Variants in FSIP2 observed in about 807,000 individuals in gnomAD.
FSIP2 encodes fibrous sheath interacting protein 2, also known as fibrous sheath-interacting protein 2.
Under a neutral mutation model 510.5 loss-of-function variants are expected in FSIP2, and 367 were observed. The ratio of observed to expected loss-of-function variants is 0.72; its 90% CI spans 0.66 to 0.78. FSIP2 has a LOEUF of 0.78. Ranked by LOEUF, FSIP2 falls within the 30% of genes least tolerant of loss-of-function variation. The pLI is 0.00. For synonymous variants in FSIP2, 2,601 were observed against 2,732.2 expected, an observed-to-expected ratio of 0.95 and a Z score of 1.50; for missense variants, 7,594 against 7,901.7, an observed-to-expected ratio of 0.96 and a Z score of 1.48.
At position 185,806,976 on chromosome 2, in the gene FSIP2, G is replaced by A; in HGVS notation, c.17670G>A (p.Met5890Ile). ...SSIKIKSADK[M>I]PPMHKMMRKP... ...TTAAGATAAAATCTGCAGATAAAAT[G>A]CCACCTATGCATAAAATGATGAGAA... The change falls in exon 17 of 23, where the codon ATG becomes ATA. Residue 5890 changes from methionine (M) to isoleucine (I), a missense_variant. Met to Ile is a conservative substitution (Grantham distance 10). Transcript: ENST00000424728. 1 of 1,610,466 alleles carries A rather than the reference G, an allele frequency of 6.2e-7. No individual in the cohort carries two copies. The highest frequency in any genetic ancestry group is 1.1e-5 in the South Asian group (1 of 90,578).
intron 20 of FSIP2, among the ~76,000 whole-genome samples, chr2:185,826,396 A>G (rs1343639409): frequency 1.4e-4 from 21 of 151,744 alleles, no homozygotes; most frequent in Admixed American, 1.1e-3. Context: ...CTGTTCCTCA[A>G]ACATTTTATA....
intron 7 of FSIP2, among the ~76,000 whole-genome samples, chr2:185,749,195 T>A (rs1391693252): frequency 6.6e-6 from 1 of 151,254 alleles, no homozygotes; most frequent in African/African-American, 2.5e-5. Context: ...TCTTGCTGAG[T>A]TTTTTTAATT....
At position 185,802,649 on chromosome 2, in the gene FSIP2, G is replaced by A. The variant is rs1693466749; in HGVS notation, c.13343G>A (p.Ser4448Asn). 1 of 1,533,552 alleles carries A rather than the reference G, an allele frequency of 6.5e-7. No individual in the cohort carries two copies. The highest frequency in any genetic ancestry group is 8.7e-7 in the Non-Finnish European group (1 of 1,145,338). The allele number at this position is 1,533,552 out of a possible 1,614,324, so 95.0% of individuals were successfully genotyped here. A position where few individuals can be genotyped will look rare whatever the true frequency, so the allele number is the denominator to read the frequency against. Reference protein sequence around the residue: ...NIVQDILSNISKSTEPSQSVP... With the variant: ...NIVQDILSNINKSTEPSQSVP... ...GTTCAGGACATCCTTAGTAACATCAGTAAATCTACTGAGCCAAGCCAGAGT... is the reference window on the plus strand; with the variant it reads ...GTTCAGGACATCCTTAGTAACATCAATAAATCTACTGAGCCAAGCCAGAGT... The change falls in exon 17 of 23, where the codon AGT becomes AAT. Residue 4448 changes from serine (S) to asparagine (N), a missense_variant. Physicochemically the swap from Ser to Asn is conservative, Grantham distance 46. Transcript: ENST00000424728.
chr2:185,777,580 C>G (rs1444764036), intron 13 of FSIP2, among the ~76,000 whole-genome samples: 1 of 151,526 alleles, frequency 6.6e-6, no homozygotes, highest in Admixed American at 6.6e-5. Flanking sequence ...AAGTATCTTT[C>G]TATTTCTAAT....
At chr2:185,772,963 C>T (rs1446790995) in intron 13 of FSIP2, among the ~76,000 whole-genome samples, 2 of 152,014 alleles carry the variant, frequency 1.3e-5, no homozygotes, top group East Asian at 3.9e-4. Context: ...TAGGCTCAAG[C>T]CATCTTCCCA....
rs767147070 is a variant in FSIP2 at position 185,801,084 on chromosome 2, A to G, written c.11778A>G (p.Ile3926Met). 15 of 1,532,148 alleles carry G rather than the reference A, an allele frequency of 9.8e-6. No individual in the cohort carries two copies. Among genetic ancestry groups the G allele is most frequent in the African/African-American group, 1.4e-5 (1 of 72,750 alleles). The allele number at this position is 1,532,148 out of a possible 1,614,324, so 94.9% of individuals were successfully genotyped here. The change falls in exon 17 of 23, where the codon ATA (isoleucine) becomes ATG (methionine). Residue 3926 changes from isoleucine (I) to methionine (M), a missense_variant. By Grantham distance (10) the Ile-to-Met change is conservative (BLOSUM62 1). Transcript: ENST00000424728. ...LNNPSVVSSK[I>M]QAPFNKHCAV... Reference sequence around the variant, plus strand: ...ATCCCAGTGTGGTTAGCTCCAAAATACAAGCACCATTTAACAAGCATTGTG... The same window carrying G: ...ATCCCAGTGTGGTTAGCTCCAAAATGCAAGCACCATTTAACAAGCATTGTG...
At position 185,803,419 on chromosome 2, in the gene FSIP2, G is replaced by C. The variant is rs1440280719; in HGVS notation, c.14113G>C (p.Val4705Leu). The C allele has an allele frequency of 1.3e-5, 20 of 1,531,832 alleles. No homozygotes were observed. Among genetic ancestry groups the C allele is most frequent in the Non-Finnish European group, 1.7e-5 (19 of 1,144,540 alleles). The allele number at this position is 1,531,832 out of a possible 1,614,324, so 94.9% of individuals were successfully genotyped here. ...KTIVDMVYSK[V>L]LQEYEMEVVP... ...AATTGTTGACATGGTGTACAGCAAA[G>C]TTTTGCAAGAATATGAAATGGAAGT... Residue 4705 changes from valine (V) to leucine (L), a missense_variant, in exon 17 of 23, where the codon GTT (valine) becomes CTT (leucine). Coordinates refer to ENST00000424728, the MANE Select transcript of FSIP2 (RefSeq NM_173651.4).
intron 19 of FSIP2, among the ~76,000 whole-genome samples, chr2:185,818,544 CAAAGAT>C (rs1167737569): frequency 6.6e-6 from 1 of 151,654 alleles, no homozygotes; most frequent in Non-Finnish European, 1.5e-5. Context: ...TGTCAGAAGA[CAAAGAT>C]AATCTTTAAA....
In FSIP2 at chr2:185,796,693, C is replaced by A; in HGVS notation, c.9557C>A (p.Thr3186Asn). 1 of 1,534,976 alleles carries A rather than the reference C, an allele frequency of 6.5e-7. No homozygotes were observed. The highest frequency in any genetic ancestry group is 8.7e-7 in the Non-Finnish European group (1 of 1,146,142). The stretch of plus-strand genomic sequence containing the variant: ...ATTAATCCTTCACAAGTGAGTAAAA[C>A]TGGGTTTGTGTTTTGTTCAGATGAA... ...LGINPSQVSK[T>N]GFVFCSDEDM... The change falls in exon 16 of 23, where the codon ACT becomes AAT. Residue 3186 changes from threonine (T) to asparagine (N), a missense_variant. Thr to Asn is a moderately conservative substitution (Grantham distance 65). Coordinates refer to ENST00000424728, the MANE Select transcript of FSIP2 (RefSeq NM_173651.4).
Position 185,801,630 on chromosome 2 carries a change from C to A in FSIP2, c.12324C>A (p.Leu4108=). The A allele has an allele frequency of 6.5e-7, 1 of 1,530,220 alleles. No homozygotes were observed. The highest frequency in any genetic ancestry group is 8.7e-7 in the Non-Finnish European group (1 of 1,144,228). 94.8% of individuals were successfully genotyped at this position (1,530,220 alleles called of 1,614,324 possible). Reference sequence around the variant, plus strand: ...TCATACCCCATTCATATTACCCTCTCAAACCTGAAATTATATTGCAAAAGC... The same window carrying A: ...TCATACCCCATTCATATTACCCTCTAAAACCTGAAATTATATTGCAAAAGC... ...EHLIPHSYYP[L]KPEIILQKLQ... The change falls in exon 17 of 23, where the codon CTC becomes CTA. Residue 4108 remains leucine (L), a synonymous_variant. Coordinates refer to ENST00000424728, the MANE Select transcript of FSIP2 (RefSeq NM_173651.4).
chr2:185,780,578 AT>A (rs1482542956), intron 13 of FSIP2, among the ~76,000 whole-genome samples: 4 of 149,394 alleles, frequency 2.7e-5, no homozygotes, highest in African/African-American at 9.8e-5. Context: ...TTCTTTATAT[AT>A]TTAAACATAT....
intron 13 of FSIP2, among the ~76,000 whole-genome samples, chr2:185,776,103 C>G (rs1404926990): frequency 6.6e-6 from 1 of 152,100 alleles, no homozygotes; most frequent in Non-Finnish European, 1.5e-5. Context: ...TACACTGTCT[C>G]TACCTAAAGT....
Position 185,793,066 on chromosome 2 carries a change from C to T in FSIP2, c.5930C>T (p.Ser1977Phe). The T allele has an allele frequency of 1.3e-6, 2 of 1,534,234 alleles. No homozygotes were observed. The highest frequency in any genetic ancestry group is 1.7e-6 in the Non-Finnish European group (2 of 1,145,604). The part of the protein sequence containing the change: ...AKDSYSDEQF[S>F]CCSVDHTKSG... The stretch of plus-strand genomic sequence containing the variant: ...GATTCATATTCTGATGAGCAATTTT[C>T]CTGTTGCTCAGTAGATCATACCAAG... Residue 1977 changes from serine (S) to phenylalanine (F), a missense_variant, in exon 16 of 23, where the codon TCC (serine) becomes TTC (phenylalanine). Physicochemically the swap from Ser to Phe is radical, Grantham distance 155. Transcript: ENST00000424728.
Position 185,759,416 on chromosome 2 carries a change from ATAT to A in FSIP2, c.1079-1566_1079-1564del, listed in dbSNP as rs201843432. Among the ~76,000 whole-genome samples the A allele has an allele frequency of 8.6e-3, 1,253 of 146,220 alleles. 19 individuals carry two copies. The highest frequency in any genetic ancestry group is 0.061 in the East Asian group (312 of 5,076). On this transcript the variant is annotated intron_variant, in intron 9 of 22. Transcript: ENST00000424728. ...TAATTTTTATTACATATTATAATATATATTATTAACATATTTTAATATACTTAT... is the reference window on the plus strand; with the variant it reads ...TAATTTTTATTACATATTATAATATATATTAACATATTTTAATATACTTAT...
rs1035840493 is a variant in FSIP2, at chr2:185,790,049, G to A, written c.2913G>A (p.Lys971=). 6.5e-7 allele frequency: 1 copy of A among 1,533,536 alleles called. No homozygotes were observed. The allele number at this position is 1,533,536 out of a possible 1,614,324, so 95.0% of individuals were successfully genotyped here. Residue 971 remains lysine, a synonymous_variant, in exon 16 of 23, where the codon AAG becomes AAA. Transcript: ENST00000424728. ...RISSPSDTKE[K]YRLTGTRLSN... Reference sequence around the variant, plus strand: ...GTAGTCCTTCTGACACCAAAGAAAAGTACAGACTCACTGGCACTAGATTAT... The same window carrying A: ...GTAGTCCTTCTGACACCAAAGAAAAATACAGACTCACTGGCACTAGATTAT...
Position 185,803,170 on chromosome 2 carries a change from T to A in FSIP2, c.13864T>A (p.Phe4622Ile). ...LFYTSVYSST[F>I]LEDVISGVLR... ...TTATACCAGTGTTTACTCTTCAACA[T>A]TCTTGGAAGATGTAATCTCTGGGGT... The change falls in exon 17 of 23, where the codon TTC becomes ATC. Residue 4622 changes from phenylalanine to isoleucine, a missense_variant. Coordinates refer to ENST00000424728, the MANE Select transcript of FSIP2 (RefSeq NM_173651.4). 2.0e-6 allele frequency: 3 copies of A among 1,532,472 alleles called. No homozygotes were observed. Among genetic ancestry groups the A allele is most frequent in the Non-Finnish European group, 2.6e-6 (3 of 1,144,708 alleles). 94.9% of individuals were successfully genotyped at this position (1,532,472 alleles called of 1,614,324 possible).
intron 19 of FSIP2, among the ~76,000 whole-genome samples, chr2:185,816,759 G>A (rs1693832964): frequency 6.6e-6 from 1 of 151,912 alleles, no homozygotes; most frequent in Non-Finnish European, 1.5e-5. Flanking sequence ...AGGAGGCTGA[G>A]GTGATAGAAT....
rs764967079 is a variant in FSIP2 at position 185,782,711 on chromosome 2, A to G, written c.1418A>G (p.Gln473Arg). The change falls in exon 14 of 23, where the codon CAG (glutamine) becomes CGG (arginine). Residue 473 changes from glutamine to arginine, a missense_variant. Gln to Arg is a conservative substitution (Grantham distance 43, BLOSUM62 1). Coordinates refer to ENST00000424728, the MANE Select transcript of FSIP2 (RefSeq NM_173651.4). ...RSSYLCESGP[Q>R]AHATDPGIFS... ...TTATTTTTCTGATAAATAGGACCTC[A>G]GGCTCATGCTACAGACCCGGGTATA... 5.9e-6 allele frequency: 9 copies of G among 1,514,194 alleles called. No homozygotes were observed. The highest frequency in any genetic ancestry group is 5.9e-5 in the Admixed American group (3 of 50,966). The allele number at this position is 1,514,194 out of a possible 1,614,324, so 93.8% of individuals were successfully genotyped here. A position where few individuals can be genotyped will look rare whatever the true frequency, so the allele number is the denominator to read the frequency against.
In FSIP2 at chr2:185,789,661, T is replaced by C; in HGVS notation, c.2525T>C (p.Phe842Ser). The C allele has an allele frequency of 1.3e-6, 2 of 1,534,144 alleles. No homozygotes were observed. The highest frequency in any genetic ancestry group is 1.2e-5 in the South Asian group (1 of 83,954). Residue 842 changes from phenylalanine (F) to serine (S), a missense_variant, in exon 16 of 23, where the codon TTT becomes TCT. By Grantham distance (155) the Phe-to-Ser change is radical. Transcript: ENST00000424728. ...MTLVSFKQNE[F>S]LHLKDTNKLS... is the part of the protein sequence containing the mutation. ...CTTGTTTCTTTTAAGCAAAATGAATTTCTTCATCTTAAAGACACAAATAAG... is the reference window on the plus strand; with the variant it reads ...CTTGTTTCTTTTAAGCAAAATGAATCTCTTCATCTTAAAGACACAAATAAG...
Sources: allele counts gnomAD v4.1 joint callset (sites outside exome capture counted in the v4.1 genomes callset), GRCh38; gene constraint gnomAD v4.1.1; transcripts MANE v1.5; gene names NCBI Gene and HGNC (gene_info 2026-07-23, HGNC 2026-07-21).